The following SIPA1L1 variants were observed in gnomAD, a reference collection of about 807,000 sequenced individuals.
SIPA1L1 encodes the protein signal induced proliferation associated 1 like 1, also known as signal-induced proliferation-associated 1-like protein 1.
SIPA1L1 carries 26 observed loss-of-function variants against 162.7 expected under a neutral mutation model. That is an observed-to-expected ratio of 0.16 (90% CI 0.12 to 0.22). The LOEUF is 0.22. SIPA1L1 is among the 10% of genes least tolerant of loss of function. The probability of loss-of-function intolerance (pLI) is 1.00; values close to 1 mark genes in which losing one functional copy is unlikely to be tolerated. For missense variants in SIPA1L1, 1,874 were observed against 2,241.0 expected, an observed-to-expected ratio of 0.84 and a Z score of 3.31; for synonymous variants, 829 against 837.4, an observed-to-expected ratio of 0.99 and a Z score of 0.17.
intron 2 of SIPA1L1, among the ~76,000 whole-genome samples, chr14:71,484,638 G>A (rs1413829671): frequency 6.6e-6 from 1 of 152,080 alleles, no homozygotes; most frequent in Admixed American, 6.6e-5. Flanking sequence ...TGAAATCTAG[G>A]TTTGAATCTG....
chr14:71,620,498 T>A (rs901349079), intron 6 of SIPA1L1, among the ~76,000 whole-genome samples: 1 of 152,234 alleles, frequency 6.6e-6, no homozygotes, highest in Non-Finnish European at 1.5e-5. Context: ...TTTTCTGTGT[T>A]GTTTTTTTGT....
intron 2 of SIPA1L1, among the ~76,000 whole-genome samples, chr14:71,458,013 T>G (rs910009406): frequency 6.6e-6 from 1 of 152,228 alleles, no homozygotes; most frequent in African/African-American, 2.4e-5. Context: ...TGAGTCTTTT[T>G]TTAAACAATA....
chr14:71,600,921 A>G (rs1231827033), intron 5 of SIPA1L1, among the ~76,000 whole-genome samples: 1 of 152,132 alleles, frequency 6.6e-6, no homozygotes, highest in Non-Finnish European at 1.5e-5. Context: ...AAGGAACACT[A>G]CTGAATTTTA....
chr14:71,344,944 A>T (rs1386335673), intron 2 of SIPA1L1, among the ~76,000 whole-genome samples: 1 of 152,160 alleles, frequency 6.6e-6, no homozygotes, highest in Non-Finnish European at 1.5e-5. Flanking sequence ...CATTTGAATT[A>T]TCATGGTGGA....
At chr14:71,341,898 A>G (rs2035694622) in intron 2 of SIPA1L1, among the ~76,000 whole-genome samples, 1 of 151,964 alleles carries the variant, frequency 6.6e-6, no homozygotes. Context: ...TCTTTATCCA[A>G]CCCACTGTTG....
intron 2 of SIPA1L1, among the ~76,000 whole-genome samples, chr14:71,478,131 A>C (rs1213078223): frequency 6.6e-6 from 1 of 152,134 alleles, no homozygotes; most frequent in East Asian, 1.9e-4. Flanking sequence ...GAGGTTGAAC[A>C]TTTTTTCATA....
At chr14:71,420,999 T>C (rs2043150272) in intron 2 of SIPA1L1, among the ~76,000 whole-genome samples, 1 of 152,228 alleles carries the variant, frequency 6.6e-6, no homozygotes, top group Admixed American at 6.5e-5. Context: ...TTTCTTAATC[T>C]GTAGCATTTT....
rs534557101 is a variant in SIPA1L1 at position 71,459,357 on chromosome 14, A to G, written c.-464-53386A>G. Among the ~76,000 whole-genome samples, 17 of 152,272 alleles carry G rather than the reference A, an allele frequency of 1.1e-4. No individual in the cohort carries two copies. The East Asian group carries it at 2.9e-3, about 26-fold the overall frequency. On this transcript the variant is annotated intron_variant, in intron 2 of 23. Coordinates refer to ENST00000381232, the MANE Select transcript of SIPA1L1 (RefSeq NM_001386936.1). ...TAGTGGTAATCCAGTCAGTTTTGCA[A>G]TACTTCAGGGGAAAAGGATGGGGCT...
At chr14:71,398,616 T>C (rs2041415103) in intron 2 of SIPA1L1, among the ~76,000 whole-genome samples, 1 of 152,174 alleles carries the variant, frequency 6.6e-6, no homozygotes, top group Non-Finnish European at 1.5e-5. Flanking sequence ...ATCTTTGTAA[T>C]CTCGGAATGA....
At chr14:71,528,321 G>A (rs746993283) in intron 3 of SIPA1L1, among the ~76,000 whole-genome samples, 1 of 152,104 alleles carries the variant, frequency 6.6e-6, no homozygotes, top group African/African-American at 2.4e-5. Flanking sequence ...GTTGTGTCTT[G>A]TAGTGAGTAG....
At position 71,401,824 on chromosome 14, in the gene SIPA1L1, A is replaced by G. The variant is rs188453280; in HGVS notation, c.-465+80643A>G. 4.2e-4 allele frequency among the ~76,000 whole-genome samples: 64 copies of G among 152,068 alleles called. 1 individual carries two copies. Among genetic ancestry groups the G allele is most frequent in the African/African-American group, 1.5e-3 (63 of 41,346 alleles). On this transcript the variant is annotated intron_variant, in intron 2 of 23. Coordinates refer to ENST00000381232, the MANE Select transcript of SIPA1L1 (RefSeq NM_001386936.1). ...ACCAGTAATCTTATCACTCATAAATATAAGATTTTTTATTTGTGTGTTTTT... is the reference window on the plus strand; with the variant it reads ...ACCAGTAATCTTATCACTCATAAATGTAAGATTTTTTATTTGTGTGTTTTT...
At chr14:71,638,060 T>A (rs1210160895) in intron 7 of SIPA1L1, among the ~76,000 whole-genome samples, 1 of 152,194 alleles carries the variant, frequency 6.6e-6, no homozygotes, top group Non-Finnish European at 1.5e-5. Flanking sequence ...AAAATTGAAT[T>A]CATAATTTTA....
intron 2 of SIPA1L1, among the ~76,000 whole-genome samples, chr14:71,452,483 T>C (rs2045902571): frequency 6.6e-6 from 1 of 152,184 alleles, no homozygotes; most frequent in Non-Finnish European, 1.5e-5. Context: ...GTTATAGTAT[T>C]TTTATACTTG....
At chr14:71,397,839 C>T (rs2041333037) in intron 2 of SIPA1L1, among the ~76,000 whole-genome samples, 1 of 152,078 alleles carries the variant, frequency 6.6e-6, no homozygotes, top group Non-Finnish European at 1.5e-5. Flanking sequence ...ACTATTTCAT[C>T]TTGTTTGTAC....
chr14:71,472,848 TA>T (rs35990139), intron 2 of SIPA1L1, among the ~76,000 whole-genome samples: 23 of 120,414 alleles, frequency 1.9e-4, no homozygotes, highest in Admixed American at 4.8e-4. Flanking sequence ...TATGAAAACT[TA>T]AAAAAAAAAA....
At chr14:71,676,924 C>T (rs1030019603) in intron 12 of SIPA1L1, among the ~76,000 whole-genome samples, 8 of 151,984 alleles carry the variant, frequency 5.3e-5, no homozygotes, top group Admixed American at 1.3e-4. Flanking sequence ...TGAATAGTGC[C>T]GCAATAAACA....
intron 6 of SIPA1L1, among the ~76,000 whole-genome samples, chr14:71,621,371 C>T (rs2039428490): frequency 6.6e-6 from 1 of 152,166 alleles, no homozygotes; most frequent in Admixed American, 6.5e-5. Context: ...GCGCCTCATC[C>T]CTGATAACTC....
intron 2 of SIPA1L1, among the ~76,000 whole-genome samples, chr14:71,337,861 G>A (rs546548580): frequency 5.9e-5 from 9 of 152,124 alleles, no homozygotes; most frequent in Non-Finnish European, 1.0e-4. Flanking sequence ...TGGGAGGATC[G>A]CATGAGGCCA....
chr14:71,532,750 T>C (rs190420080), intron 4 of SIPA1L1, among the ~76,000 whole-genome samples: 123 of 152,380 alleles, frequency 8.1e-4, no homozygotes, highest in Admixed American at 2.4e-3. Flanking sequence ...AGTAAATTTT[T>C]TTTCCCTGGA....
Sources: gnomAD v4.1 joint callset for allele counts (sites outside exome capture counted in the v4.1 genomes callset) on GRCh38, gnomAD v4.1.1 for gene constraint, MANE v1.5 for transcripts, NCBI Gene and HGNC (gene_info 2026-07-23, HGNC 2026-07-21) for gene names.